DOCK9: variants seen among roughly 807,000 people sequenced by gnomAD.
The protein encoded by DOCK9 is dedicator of cytokinesis 9.
A neutral mutation model predicts 263.3 loss-of-function variants in DOCK9; 89 were observed. The ratio of observed to expected loss-of-function variants is 0.34; its 90% CI spans 0.28 to 0.40. The LOEUF (loss-of-function observed/expected upper bound fraction) is 0.40. Among genes scored for constraint, DOCK9 ranks in the 10% least tolerant of loss-of-function variants. The pLI, the probability that DOCK9 is intolerant of heterozygous loss-of-function variation, is 1.00. For missense variants in DOCK9, 2,140 were observed against 2,603.4 expected (o/e 0.82, Z 3.87); for synonymous variants, 976 against 973.1 (o/e 1.00, Z -0.06).
At chr13:99,071,029 A>C (rs1303882200) in intron 1 of DOCK9, among the ~76,000 whole-genome samples, 6 of 152,224 alleles carry the variant, frequency 3.9e-5, no homozygotes, top group African/African-American at 1.4e-4. Context: ...AACCCCCTGC[A>C]CAGTCAAAAA....
At chr13:99,009,922 T>C (rs1019899987) in intron 1 of DOCK9, among the ~76,000 whole-genome samples, 33 of 151,402 alleles carry the variant, frequency 2.2e-4, no homozygotes, top group African/African-American at 2.9e-4. Flanking sequence ...TACTAAAGTA[T>C]GAAGACATGT....
intron 1 of DOCK9, among the ~76,000 whole-genome samples, chr13:98,972,590 C>A (rs971649373): frequency 6.6e-6 from 1 of 152,204 alleles, no homozygotes; most frequent in Non-Finnish European, 1.5e-5. Flanking sequence ...CTTCCACCGA[C>A]CGCTCCACAA....
At chr13:98,943,799 TA>T (rs2056314174) in intron 2 of DOCK9, among the ~76,000 whole-genome samples, 2 of 152,154 alleles carry the variant, frequency 1.3e-5, no homozygotes, top group South Asian at 2.1e-4. Flanking sequence ...ATTTTCTATT[TA>T]GGGGAAAAAA....
At chr13:98,865,551 C>T (rs555989185) in intron 30 of DOCK9, among the ~76,000 whole-genome samples, 6 of 152,316 alleles carry the variant, frequency 3.9e-5, no homozygotes, top group South Asian at 2.1e-4. Flanking sequence ...ATCCCCCCAT[C>T]GACTGAGCGA....
intron 2 of DOCK9, among the ~76,000 whole-genome samples, chr13:98,942,340 G>A (rs1039555227): frequency 2.0e-5 from 3 of 150,818 alleles, no homozygotes; most frequent in Non-Finnish European, 2.9e-5. Context: ...CCAGGTTCAC[G>A]CCATTCTCCT....
intron 1 of DOCK9, among the ~76,000 whole-genome samples, chr13:99,013,146 C>G (rs1884806998): frequency 1.3e-5 from 2 of 152,042 alleles, no homozygotes; most frequent in Admixed American, 6.6e-5. Context: ...CTTTGTTTCC[C>G]AGGCTGGAGT....
In DOCK9 at chr13:98,823,111, A is replaced by T. The variant is rs1443565858; in HGVS notation, c.5130+1287T>A. 2.0e-5 allele frequency among the ~76,000 whole-genome samples: 3 copies of T among 150,072 alleles called. No individual in the cohort carries two copies. The East Asian group carries it at 5.9e-4, about 30-fold the overall frequency. The stretch of plus-strand genomic sequence containing the variant: ...TATTTTAAAAATAGCATTTGTAAAT[A>T]AAAAAGGATATTTTTTCCAAAAAAA... On this transcript the variant is annotated intron_variant, in intron 45 of 52. Transcript: ENST00000682017.
At chr13:99,035,058 G>C (rs1429924058) in intron 1 of DOCK9, among the ~76,000 whole-genome samples, 1 of 152,190 alleles carries the variant, frequency 6.6e-6, no homozygotes, top group Non-Finnish European at 1.5e-5. Context: ...TTCTGAATCT[G>C]TGTTTCTGTC....
At chr13:98,927,546 A>T (rs1476491216) in intron 3 of DOCK9, among the ~76,000 whole-genome samples, 1 of 152,224 alleles carries the variant, frequency 6.6e-6, no homozygotes, top group Admixed American at 6.5e-5. Context: ...GTACCTGCCC[A>T]ATTAAAAACT....
chr13:99,001,697 T>C (rs1440751708), intron 1 of DOCK9, among the ~76,000 whole-genome samples: 1 of 152,208 alleles, frequency 6.6e-6, no homozygotes, highest in East Asian at 1.9e-4. Flanking sequence ...AGACACAGCA[T>C]GGAGACATGA....
intron 1 of DOCK9, among the ~76,000 whole-genome samples, chr13:99,025,894 G>A (rs1886644681): frequency 6.6e-6 from 1 of 152,076 alleles, no homozygotes; most frequent in African/African-American, 2.4e-5. Flanking sequence ...CCACAGCATG[G>A]GTGACTCTTA....
intron 2 of DOCK9, among the ~76,000 whole-genome samples, chr13:98,953,234 C>T (rs1445780444): frequency 2.6e-5 from 4 of 152,188 alleles, no homozygotes; most frequent in African/African-American, 9.7e-5. Flanking sequence ...AGCTCCAATT[C>T]AAGCTCCTAA....
chr13:98,894,221 C>T (rs539495986), intron 15 of DOCK9, among the ~76,000 whole-genome samples: 3 of 152,318 alleles, frequency 2.0e-5, no homozygotes, highest in African/African-American at 7.2e-5. Flanking sequence ...TGAGACAGGG[C>T]TCCAACCTCC....
intron 1 of DOCK9, among the ~76,000 whole-genome samples, chr13:99,026,559 G>T (rs949780887): frequency 1.3e-5 from 2 of 152,166 alleles, no homozygotes; most frequent in Non-Finnish European, 2.9e-5. Flanking sequence ...TCTTTTGTCT[G>T]GTCAATAACT....
chr13:98,925,346 T>C (rs1456792358), intron 4 of DOCK9, among the ~76,000 whole-genome samples: 1 of 151,818 alleles, frequency 6.6e-6, no homozygotes, highest in Admixed American at 6.6e-5. Flanking sequence ...TTGCTTTTGG[T>C]ATAGTCTAGA....
intron 1 of DOCK9, among the ~76,000 whole-genome samples, chr13:99,003,076 C>A (rs891408453): frequency 2.6e-5 from 4 of 152,100 alleles, no homozygotes; most frequent in African/African-American, 9.7e-5. Flanking sequence ...TCAATTCTTT[C>A]CCCAGTCTAC....
chr13:98,862,975 C>T (rs767742746), intron 32 of DOCK9, 44 bp downstream of exon 32: 14 of 1,528,972 alleles, frequency 9.2e-6, no homozygotes, highest in African/African-American at 6.9e-5. Context: ...CTGGCTTCCC[C>T]GGGACCTGAT....
intron 1 of DOCK9, among the ~76,000 whole-genome samples, chr13:99,056,610 G>A (rs1265013108): frequency 6.6e-6 from 1 of 152,074 alleles, no homozygotes; most frequent in Non-Finnish European, 1.5e-5. Context: ...TTTATGTTTG[G>A]GGGCAACAAA....
At chr13:98,819,432 G>A (rs183456246) in intron 45 of DOCK9, among the ~76,000 whole-genome samples, 62 of 152,326 alleles carry the variant, frequency 4.1e-4, no homozygotes, top group Non-Finnish European at 7.2e-4. Context: ...TGTGGTTGAG[G>A]TGTTTCTCCT....
Sources: gnomAD v4.1 joint callset for allele counts (sites outside exome capture counted in the v4.1 genomes callset) on GRCh38, gnomAD v4.1.1 for gene constraint, MANE v1.5 for transcripts, NCBI Gene and HGNC (gene_info 2026-07-23, HGNC 2026-07-21) for gene names.